Variants in STK32C observed in about 807,000 individuals in gnomAD.
STK32C encodes serine/threonine-protein kinase 32C.
A neutral mutation model predicts 56.5 loss-of-function variants in STK32C; 31 were observed. The ratio of observed to expected loss-of-function variants is 0.55; its 90% CI spans 0.41 to 0.74. The LOEUF (loss-of-function observed/expected upper bound fraction) is 0.74, where lower values mean the gene tolerates loss of function less well. Among genes scored for constraint, STK32C ranks in the 30% least tolerant of loss-of-function variants. The pLI, the probability that STK32C is intolerant of heterozygous loss-of-function variation, is 0.00. For missense variants in STK32C, 544 were observed against 676.9 expected, an observed-to-expected ratio of 0.80 and a Z score of 2.18; for synonymous variants, 309 against 289.4, an observed-to-expected ratio of 1.07 and a Z score of -0.69.
chr10:132,304,280 C>A (rs2065993957), intron 1 of STK32C, among the ~76,000 whole-genome samples: 1 of 151,752 alleles, frequency 6.6e-6, no homozygotes, highest in African/African-American at 2.4e-5. Context: ...TGGTAAAACT[C>A]AAGAGGGGCT....
chr10:132,284,875 A>G (rs2065348216), intron 1 of STK32C, among the ~76,000 whole-genome samples: 1 of 147,938 alleles, frequency 6.8e-6, no homozygotes, highest in African/African-American at 2.5e-5. Context: ...AAGACCAGGC[A>G]TGAACCCAGA....
At position 132,207,897 on chromosome 10, in the gene STK32C, A is replaced by T; in HGVS notation, c.*113T>A. ...GAAATGTGTCCGGGGCACTGTGGGC[A>T]CCGCCAGCCAGGCTGGGTGGGAACG... On this transcript the variant is annotated 3_prime_UTR_variant, in exon 12 of 12. Transcript: ENST00000298630. 1 of 1,187,406 alleles carries T rather than the reference A, an allele frequency of 8.4e-7. No individual in the cohort carries two copies. Among genetic ancestry groups the T allele is most frequent in the Non-Finnish European group, 1.1e-6 (1 of 941,024 alleles). The allele number at this position is 1,187,406 out of a possible 1,614,324, so 73.6% of individuals were successfully genotyped here.
intron 1 of STK32C, among the ~76,000 whole-genome samples, chr10:132,276,800 C>A (rs1263480523): frequency 6.8e-6 from 1 of 147,904 alleles, no homozygotes; most frequent in East Asian, 1.9e-4. Flanking sequence ...AAAAAAAAAC[C>A]CAATGTATCT....
intron 1 of STK32C, among the ~76,000 whole-genome samples, chr10:132,258,751 C>T (rs1267049103): frequency 6.6e-6 from 1 of 152,214 alleles, no homozygotes; most frequent in Non-Finnish European, 1.5e-5. Flanking sequence ...TTCCCACTGC[C>T]CCTCCTGAGC....
exon 1 of STK32C, chr10:132,331,440 T>C: frequency 6.2e-7 from 1 of 1,610,048 alleles, no homozygotes; most frequent in Non-Finnish European, 8.5e-7. Flanking sequence ...ACTCACTGCG[T>C]TTCCTCGCCC....
At chr10:132,246,222 T>C (rs555658702) in intron 1 of STK32C, among the ~76,000 whole-genome samples, 1 of 152,278 alleles carries the variant, frequency 6.6e-6, no homozygotes, top group Admixed American at 6.5e-5. Context: ...ACAGCATGGA[T>C]GGGGCAAGAA....
At chr10:132,256,895 A>G (rs2818397) in intron 1 of STK32C, among the ~76,000 whole-genome samples, 49,666 of 151,914 alleles carry the variant, frequency 0.33, 8,337 homozygotes, top group Admixed American at 0.44. Flanking sequence ...GTTCCTCCTG[A>G]GTCCTGAACC....
intron 8 of STK32C, 143 bp downstream of exon 8, chr10:132,224,264 C>T (rs1197304281): frequency 9.0e-6 from 6 of 666,472 alleles, no homozygotes; most frequent in Non-Finnish European, 1.3e-5. Context: ...TCTGCGGAGG[C>T]CCCCACAGGT....
intron 1 of STK32C, among the ~76,000 whole-genome samples, chr10:132,305,607 G>A (rs532205831): frequency 6.6e-6 from 1 of 152,274 alleles, no homozygotes; most frequent in Admixed American, 6.5e-5. Context: ...TGGGACTCAG[G>A]GGCAACAGTC....
At chr10:132,211,028 C>T (rs1388422924) in intron 10 of STK32C, among the ~76,000 whole-genome samples, 1 of 152,198 alleles carries the variant, frequency 6.6e-6, no homozygotes, top group African/African-American at 2.4e-5. Context: ...ACGCTCTCTG[C>T]GGGCAGCCCT....
At chr10:132,233,387 G>A (rs929179969) in intron 2 of STK32C, among the ~76,000 whole-genome samples, 1 of 152,200 alleles carries the variant, frequency 6.6e-6, no homozygotes, top group Non-Finnish European at 1.5e-5. Context: ...TGTCCCATAG[G>A]CCACTTGTCC....
At chr10:132,225,392 G>C (rs2062852493) in intron 6 of STK32C, 56 bp from the exon 7 acceptor site, 1 of 1,585,504 alleles carries the variant, frequency 6.3e-7, no homozygotes, top group Admixed American at 1.8e-5. Context: ...CCGGACCCGT[G>C]GGCACAGGGC....
In STK32C at chr10:132,267,845, A is replaced by G. The variant is rs531369487; in HGVS notation, c.263-21890T>C. The stretch of plus-strand genomic sequence containing the variant: ...TGTGTGTGTCAGTGCGTGTGCATGC[A>G]TGTGTATGCAGGTTCAGCTCTATGC... On this transcript the variant is annotated intron_variant, in intron 1 of 11. Transcript: ENST00000298630. Among the ~76,000 whole-genome samples the G allele has an allele frequency of 3.3e-3, 442 of 132,158 alleles. 35 individuals are homozygous for G. The highest frequency in any genetic ancestry group is 0.012 in the African/African-American group (413 of 33,394). The allele number at this position is 132,158 out of a possible 152,430, so 86.7% of individuals were successfully genotyped here.
At chr10:132,284,139 T>C (rs1176469071) in intron 1 of STK32C, among the ~76,000 whole-genome samples, 1 of 151,140 alleles carries the variant, frequency 6.6e-6, no homozygotes, top group Non-Finnish European at 1.5e-5. Flanking sequence ...AGGATGGTGG[T>C]GAAGAGCAGA....
At chr10:132,291,979 C>T (rs575795355) in intron 1 of STK32C, among the ~76,000 whole-genome samples, 3 of 152,262 alleles carry the variant, frequency 2.0e-5, no homozygotes, top group Non-Finnish European at 2.9e-5. Context: ...GGTCCACATA[C>T]GGCCCAGCCT....
chr10:132,219,057 G>A (rs998908276), intron 10 of STK32C, among the ~76,000 whole-genome samples: 2 of 152,206 alleles, frequency 1.3e-5, no homozygotes, highest in Non-Finnish European at 2.9e-5. Flanking sequence ...AGAGGGGAAT[G>A]GGGCATGACT....
chr10:132,263,960 A>G (rs1191327705), intron 1 of STK32C, among the ~76,000 whole-genome samples: 2 of 152,186 alleles, frequency 1.3e-5, no homozygotes, highest in Non-Finnish European at 2.9e-5. Flanking sequence ...ACAGAAACAT[A>G]GCGCCAGGTG....
At chr10:132,268,812 GGTGT>G (rs1287321303) in intron 1 of STK32C, among the ~76,000 whole-genome samples, 7 of 101,482 alleles carry the variant, frequency 6.9e-5, no homozygotes, top group African/African-American at 3.0e-4. Flanking sequence ...TGTGTGTGTC[GGTGT>G]GTGTGCATGC....
chr10:132,226,684 G>A, intron 4 of STK32C, 111 bp downstream of exon 4: 2 of 1,316,092 alleles, frequency 1.5e-6, no homozygotes, highest in East Asian at 4.9e-5. Context: ...GTGGGGCAGA[G>A]GAGCTAGACC....
Sources: allele counts gnomAD v4.1 joint callset (sites outside exome capture counted in the v4.1 genomes callset), GRCh38; gene constraint gnomAD v4.1.1; transcripts MANE v1.5; gene names NCBI Gene and HGNC (gene_info 2026-07-23, HGNC 2026-07-21).